The following TMED5 variants were observed in gnomAD, a reference collection of about 807,000 sequenced individuals.
TMED5 encodes the protein transmembrane p24 trafficking protein 5, also known as transmembrane emp24 domain-containing protein 5.
TMED5 carries 27 observed loss-of-function variants against 23.0 expected under a neutral mutation model. The ratio of observed to expected loss-of-function variants is 1.17; its 90% CI spans 0.86 to 1.62. The LOEUF is 1.62. TMED5 is among the 40% of genes most tolerant of loss of function. The pLI, the probability that TMED5 is intolerant of heterozygous loss-of-function variation, is 0.00. For missense variants in TMED5, 248 were observed against 273.7 expected (o/e 0.91, Z 0.66); for synonymous variants, 97 against 100.8 (o/e 0.96, Z 0.23).
chr1:93,169,918 C>CACACACAA (rs948626908), intron 1 of TMED5, among the ~76,000 whole-genome samples: 2 of 151,180 alleles, frequency 1.3e-5, no homozygotes, highest in Admixed American at 1.3e-4. Flanking sequence ...CACACACACA[C>CACACACAA]AAAATTAGGC....
intron 2 of TMED5, among the ~76,000 whole-genome samples, chr1:93,157,027 A>T (rs904694172): frequency 6.6e-6 from 1 of 152,078 alleles, no homozygotes; most frequent in Non-Finnish European, 1.5e-5. Context: ...TTGGAAAAGG[A>T]TAGAATTAAA....
chr1:93,168,754 G>C lies in TMED5; in HGVS notation c.190-8528C>G, dbSNP rs1648593136. Among the ~76,000 whole-genome samples the C allele has an allele frequency of 2.6e-5, 4 of 152,344 alleles. No homozygotes were observed. In the South Asian group the frequency reaches 8.3e-4, roughly 32 times the overall value. ...GGAGGCTGAGGCAGGAGAATCTCTTGAATCTGGGAGGTGGAGGTTGCAGTG... is the reference window on the plus strand; with the variant it reads ...GGAGGCTGAGGCAGGAGAATCTCTTCAATCTGGGAGGTGGAGGTTGCAGTG... On this transcript the variant is annotated intron_variant, in intron 1 of 3. Transcript: ENST00000370282.
At chr1:93,173,884 G>A (rs1421938440) in intron 1 of TMED5, among the ~76,000 whole-genome samples, 1 of 152,090 alleles carries the variant, frequency 6.6e-6, no homozygotes, top group Non-Finnish European at 1.5e-5. Context: ...GTTTTTATGA[G>A]TATGGGAAAA....
Position 93,153,958 on chromosome 1 carries a change from T to C in TMED5, c.*712A>G, listed in dbSNP as rs1156468490. On this transcript the variant is annotated 3_prime_UTR_variant, in exon 4 of 4. Transcript: ENST00000370282. ...AGGAGGAAGCTTTTAAACTATATTC[T>C]TCATTTCAAAGAGAAAACATGTCCT... 2 of 152,608 alleles carry C rather than the reference T, an allele frequency of 1.3e-5. No individual in the cohort carries two copies. Among genetic ancestry groups the C allele is most frequent in the East Asian group, 3.8e-4 (2 of 5,196 alleles). 9.5% of individuals were successfully genotyped at this position (152,608 alleles called of 1,614,324 possible).
Position 93,180,393 on chromosome 1 carries a change from G to A in TMED5, c.-151C>T. On this transcript the variant is annotated 5_prime_UTR_variant, in exon 1 of 4. Transcript: ENST00000370282. The stretch of plus-strand genomic sequence containing the variant: ...CGCGGCGGCGGCGAACACTCCCTCC[G>A]AAAGAGAAGCGCAGTTCTCCAAAGG... The A allele has an allele frequency of 8.1e-7, 1 of 1,240,648 alleles. No individual in the cohort carries two copies. The allele number at this position is 1,240,648 out of a possible 1,614,324, so 76.9% of individuals were successfully genotyped here.
chr1:93,150,205 C>T lies in TMED5; in HGVS notation c.*4465G>A, dbSNP rs1236949311. ...TTATTATTTAAGAATGTTACAAAAACAGAATCATACAGTGTGTAAAACTTT... is the reference window on the plus strand; with the variant it reads ...TTATTATTTAAGAATGTTACAAAAATAGAATCATACAGTGTGTAAAACTTT... On this transcript the variant is annotated 3_prime_UTR_variant, in exon 4 of 4. Coordinates refer to ENST00000370282, the MANE Select transcript of TMED5 (RefSeq NM_016040.5). The T allele has an allele frequency of 6.6e-6, 1 of 152,152 alleles. No homozygotes were observed. Among genetic ancestry groups the T allele is most frequent in the Non-Finnish European group, 1.5e-5 (1 of 68,030 alleles). The allele number at this position is 152,152 out of a possible 1,614,324, so 9.4% of individuals were successfully genotyped here.
chr1:93,171,386 G>A (rs908731178), intron 1 of TMED5, among the ~76,000 whole-genome samples: 15 of 152,222 alleles, frequency 9.9e-5, no homozygotes, highest in African/African-American at 3.4e-4. Context: ...TGAAGTCAGT[G>A]AGACCAAGAA....
chr1:93,167,119 T>C (rs990758783), intron 1 of TMED5, among the ~76,000 whole-genome samples: 2 of 152,218 alleles, frequency 1.3e-5, no homozygotes, highest in Non-Finnish European at 1.5e-5. Context: ...CATTGGTCTA[T>C]GTGTCTGTTT....
chr1:93,155,820 AT>A (rs1648055441), intron 3 of TMED5, among the ~76,000 whole-genome samples: 1 of 152,118 alleles, frequency 6.6e-6, no homozygotes, highest in African/African-American at 2.4e-5. Context: ...AACTTTAGGT[AT>A]TTACCTATTA....
rs1649214640 is a variant in TMED5 at position 93,179,852 on chromosome 1, G to A, written c.189+202C>T. 5.5e-6 allele frequency: 3 copies of A among 541,844 alleles called. No individual in the cohort carries two copies. In the Admixed American group the frequency reaches 1.2e-4, roughly 21 times the overall value. The allele number at this position is 541,844 out of a possible 1,614,324, so 33.6% of individuals were successfully genotyped here. On this transcript the variant is annotated intron_variant, in intron 1 of 3. Transcript: ENST00000370282. ...AGAAGGCGGGTAGTCATCAATTCCA[G>A]GTCCAGCCTAAGTTCTGGGTCCCCG...
intron 1 of TMED5, 178 bp downstream of exon 1, chr1:93,179,876 C>T: frequency 3.4e-6 from 2 of 589,642 alleles, no homozygotes; most frequent in Non-Finnish European, 5.7e-6. Flanking sequence ...TCTGGGTCCC[C>T]GGCCCCAGCG....
intron 1 of TMED5, among the ~76,000 whole-genome samples, chr1:93,169,044 G>A (rs1057405574): frequency 2.0e-5 from 3 of 152,118 alleles, no homozygotes; most frequent in Non-Finnish European, 2.9e-5. Flanking sequence ...AAGCCAAGAG[G>A]CAAAAAATCA....
chr1:93,174,812 G>T (rs376845199), intron 1 of TMED5, among the ~76,000 whole-genome samples: 1 of 152,108 alleles, frequency 6.6e-6, no homozygotes, highest in South Asian at 2.1e-4. Flanking sequence ...TCCCACAAAA[G>T]ACATGATCTC....
chr1:93,156,580 T>C, intron 2 of TMED5, 97 bp from the exon 3 acceptor site: 1 of 916,376 alleles, frequency 1.1e-6, no homozygotes, highest in Non-Finnish European at 1.7e-6. Context: ...GCTGAGTGTG[T>C]TGCCTCACAC....
intron 1 of TMED5, among the ~76,000 whole-genome samples, chr1:93,174,266 A>G (rs11164878): frequency 0.83 from 125,918 of 152,168 alleles, 52,327 homozygotes; most frequent in East Asian, 1. Flanking sequence ...CACCGCACCC[A>G]GCTTTTTTTG....
intron 3 of TMED5, among the ~76,000 whole-genome samples, chr1:93,155,804 T>A (rs1190054481): frequency 6.6e-6 from 1 of 152,156 alleles, no homozygotes; most frequent in Non-Finnish European, 1.5e-5. Context: ...AAAACCCAAT[T>A]GATATAACTT....
chr1:93,175,276 T>C (rs1648871334), intron 1 of TMED5, among the ~76,000 whole-genome samples: 1 of 143,166 alleles, frequency 7.0e-6, no homozygotes, highest in African/African-American at 2.6e-5. Context: ...ATCCATTGTC[T>C]TGTTCCACTT....
intron 2 of TMED5, among the ~76,000 whole-genome samples, chr1:93,158,122 CA>C (rs755186139): frequency 0.029 from 2,022 of 69,678 alleles, 18 homozygotes; most frequent in African/African-American, 0.068. Flanking sequence ...GACTCCGTCT[CA>C]AAAAAAAAAA....
chr1:93,157,438 T>C (rs1356893214), intron 2 of TMED5, among the ~76,000 whole-genome samples: 2 of 152,186 alleles, frequency 1.3e-5, no homozygotes, highest in African/African-American at 4.8e-5. Flanking sequence ...TTAGCGAAAG[T>C]TAAAAGCAGG....
Sources: gnomAD v4.1 joint callset for allele counts (sites outside exome capture counted in the v4.1 genomes callset) on GRCh38, gnomAD v4.1.1 for gene constraint, MANE v1.5 for transcripts, NCBI Gene and HGNC (gene_info 2026-07-23, HGNC 2026-07-21) for gene names.